The following CYB5R3 variants were observed in gnomAD, a reference collection of about 807,000 sequenced individuals.
CYB5R3 encodes the protein cytochrome b5 reductase 3.
A neutral mutation model predicts 36.5 loss-of-function variants in CYB5R3; 28 were observed. The ratio of observed to expected loss-of-function variants is 0.77; its 90% CI spans 0.57 to 1.05. CYB5R3 has a LOEUF of 1.05. Among genes scored for constraint, CYB5R3 ranks in the 50% least tolerant of loss-of-function variants. CYB5R3 has a pLI of 0.00. For synonymous variants in CYB5R3, 181 were observed against 159.8 expected (o/e 1.13, Z -1.00); for missense variants, 474 against 408.9 (o/e 1.16, Z -1.37).
At chr22:42,621,182 TAG>T (rs1491586778) in intron 8 of CYB5R3, among the ~76,000 whole-genome samples, 1 of 104,972 alleles carries the variant, frequency 9.5e-6, no homozygotes, top group Non-Finnish European at 1.9e-5. Flanking sequence ...GATTTCTTTT[TAG>T]TGTGTGTGTG....
chr22:42,648,687 G>A (rs959662915), intron 1 of CYB5R3, among the ~76,000 whole-genome samples: 5 of 152,178 alleles, frequency 3.3e-5, no homozygotes, highest in Admixed American at 1.3e-4. Context: ...GCCTTGATGG[G>A]AGCCTGGCCC....
intron 1 of CYB5R3, among the ~76,000 whole-genome samples, chr22:42,649,043 G>C (rs1442294397): frequency 6.6e-6 from 1 of 152,180 alleles, no homozygotes; most frequent in Non-Finnish European, 1.5e-5. Context: ...CGGGTGCTGG[G>C]CTCTGGCGCG....
At chr22:42,624,422 C>A (rs971894184) in intron 7 of CYB5R3, among the ~76,000 whole-genome samples, 1 of 152,106 alleles carries the variant, frequency 6.6e-6, no homozygotes, top group African/African-American at 2.4e-5. Context: ...CCCAACCTGG[C>A]CCCCTCGGGC....
chr22:42,639,869 C>G (rs1929145448), intron 1 of CYB5R3: 1 of 1,277,340 alleles, frequency 7.8e-7, no homozygotes, highest in Non-Finnish European at 1.0e-6. Context: ...GAATTTCTGA[C>G]AAATCTTATT....
intron 4 of CYB5R3, 77 bp from the exon 5 acceptor site, chr22:42,628,358 G>A: frequency 1.3e-6 from 2 of 1,580,782 alleles, no homozygotes; most frequent in Non-Finnish European, 1.7e-6. Context: ...TGGGAGACAA[G>A]TGCCTCTTCT....
intron 7 of CYB5R3, 75 bp from the exon 8 acceptor site, chr22:42,623,963 C>T: frequency 7.4e-7 from 1 of 1,356,932 alleles, no homozygotes; most frequent in Non-Finnish European, 1.0e-6. Context: ...CAGAGACGCG[C>T]CTCGTCATCG....
At chr22:42,631,035 G>A (rs1208332512) in intron 3 of CYB5R3, 47 bp from the exon 4 acceptor site, 5 of 1,540,474 alleles carry the variant, frequency 3.2e-6, no homozygotes, top group African/African-American at 1.4e-5. Flanking sequence ...CATCCTGCGG[G>A]TGACCCCTGG....
In CYB5R3 at chr22:42,635,261, C is replaced by T. The variant is rs1320909205; in HGVS notation, c.153+1454G>A. 5.3e-5 allele frequency among the ~76,000 whole-genome samples: 8 copies of T among 152,164 alleles called. No individual in the cohort carries two copies. In the East Asian group the frequency reaches 1.4e-3, roughly 26 times the overall value. Reference sequence around the variant, plus strand: ...GGGATTACAGGTGTGAGCCCAGCCACGCCCGGCCAATTTTTTGTATTTTTA... The same window carrying T: ...GGGATTACAGGTGTGAGCCCAGCCATGCCCGGCCAATTTTTTGTATTTTTA... On this transcript the variant is annotated intron_variant, in intron 2 of 8. Coordinates refer to ENST00000352397, the MANE Select transcript of CYB5R3 (RefSeq NM_000398.7).
chr22:42,648,381 C>T (rs953299923), intron 1 of CYB5R3, among the ~76,000 whole-genome samples: 4 of 152,228 alleles, frequency 2.6e-5, no homozygotes, highest in African/African-American at 4.8e-5. Flanking sequence ...CCTCTGCAGC[C>T]GCAGCCTCCA....
In CYB5R3 at chr22:42,619,479, G is replaced by C. The variant is rs1927832088; in HGVS notation, c.*294C>G. 2 of 479,184 alleles carry C rather than the reference G, an allele frequency of 4.2e-6. No homozygotes were observed. The highest frequency in any genetic ancestry group is 3.8e-6 in the Non-Finnish European group (1 of 260,898). The allele number at this position is 479,184 out of a possible 1,614,324, so 29.7% of individuals were successfully genotyped here. ...TGCTGGCAGCCCTCAGCCTTATAGT[G>C]TGTGTGGGGGGTGGACGAGGGGTCA... On this transcript the variant is annotated 3_prime_UTR_variant, in exon 9 of 9. Coordinates refer to ENST00000352397, the MANE Select transcript of CYB5R3 (RefSeq NM_000398.7).
intron 4 of CYB5R3, among the ~76,000 whole-genome samples, chr22:42,629,656 C>T (rs1185010269): frequency 1.3e-5 from 2 of 152,208 alleles, no homozygotes; most frequent in East Asian, 1.9e-4. Flanking sequence ...GCCTCAGCTA[C>T]GGCCCAGTAA....
chr22:42,644,442 C>T, intron 1 of CYB5R3: 1 of 774,328 alleles, frequency 1.3e-6, no homozygotes, highest in Non-Finnish European at 2.2e-6. Context: ...CAGGCGTTCG[C>T]ATATGCTCTC....
In CYB5R3 at chr22:42,630,878, T is replaced by TCA. The variant is rs8190434; in HGVS notation, c.333+2_333+3dup. The TCA allele has an allele frequency of 4.1e-5, 66 of 1,610,768 alleles. No individual in the cohort carries two copies. In the East Asian group the frequency reaches 8.9e-4, roughly 22 times the overall value. On this transcript the variant is annotated splice_donor_region_variant and intron_variant, in intron 4 of 8. Coordinates refer to ENST00000352397, the MANE Select transcript of CYB5R3 (RefSeq NM_000398.7). ...CCTCCACAGTCATGACCCAGAGGCTTCACCTTGATGACCAGGTCCACGAAG... is the reference window on the plus strand; with the variant it reads ...CCTCCACAGTCATGACCCAGAGGCTTCACACCTTGATGACCAGGTCCACGAAG...
At chr22:42,622,048 G>A (rs8190467) in intron 8 of CYB5R3, among the ~76,000 whole-genome samples, 3 of 150,272 alleles carry the variant, frequency 2.0e-5, no homozygotes, top group East Asian at 2.0e-4. Context: ...CTCAGCCTCC[G>A]AGTAGCTGGG....
chr22:42,626,186 T>G (rs567761462), intron 7 of CYB5R3, among the ~76,000 whole-genome samples: 1 of 152,232 alleles, frequency 6.6e-6, no homozygotes, highest in Non-Finnish European at 1.5e-5. Flanking sequence ...GCACACATCC[T>G]GTAATCCCAG....
chr22:42,625,390 C>T (rs1279927883), intron 7 of CYB5R3, among the ~76,000 whole-genome samples: 2 of 152,050 alleles, frequency 1.3e-5, no homozygotes, highest in Admixed American at 6.6e-5. Context: ...CACCTGTAAT[C>T]GCAGCTACTC....
At chr22:42,644,343 C>A (rs145805113) in intron 1 of CYB5R3, 8 of 703,094 alleles carry the variant, frequency 1.1e-5, no homozygotes, top group Non-Finnish European at 1.8e-5. Context: ...TAGCTCCCCA[C>A]TGCCTACCTG....
intron 2 of CYB5R3, chr22:42,631,790 G>A: frequency 2.6e-6 from 1 of 391,988 alleles, no homozygotes; most frequent in Non-Finnish European, 4.8e-6. Flanking sequence ...ATCAGCTCAA[G>A]CAGTGGCCTG....
intron 2 of CYB5R3, among the ~76,000 whole-genome samples, chr22:42,633,724 G>A (rs1339419337): frequency 6.6e-6 from 1 of 152,206 alleles, no homozygotes; most frequent in Middle Eastern, 3.4e-3. Flanking sequence ...TGGAGGTTGC[G>A]GTGAGTCGAG....
Sources: gnomAD v4.1 joint callset for allele counts (sites outside exome capture counted in the v4.1 genomes callset) on GRCh38, gnomAD v4.1.1 for gene constraint, MANE v1.5 for transcripts, NCBI Gene and HGNC (gene_info 2026-07-23, HGNC 2026-07-21) for gene names.